RAB11FIP3: variants seen among roughly 807,000 people sequenced by gnomAD.
RAB11FIP3 encodes RAB11 family interacting protein 3.
RAB11FIP3 carries 17 observed loss-of-function variants against 77.8 expected under a neutral mutation model. The ratio of observed to expected loss-of-function variants is 0.22; its 90% CI spans 0.15 to 0.33. The LOEUF (loss-of-function observed/expected upper bound fraction) is 0.33. Ranked by LOEUF, RAB11FIP3 falls within the 10% of genes least tolerant of loss-of-function variation. The probability of loss-of-function intolerance (pLI) is 1.00; values close to 1 mark genes in which losing one functional copy is unlikely to be tolerated. For missense variants in RAB11FIP3, 1,005 were observed against 1,011.2 expected, an observed-to-expected ratio of 0.99 and a Z score of 0.08; for synonymous variants, 437 against 448.2, an observed-to-expected ratio of 0.98 and a Z score of 0.31.
At chr16:474,467 G>C (rs2055864155) in intron 3 of RAB11FIP3, among the ~76,000 whole-genome samples, 1 of 152,156 alleles carries the variant, frequency 6.6e-6, no homozygotes, top group South Asian at 2.1e-4. Context: ...GAAGGGGATG[G>C]ACTGTGGCGC....
chr16:520,694 G>A (rs778200496), intron 13 of RAB11FIP3, 32 bp from the exon 14 acceptor site: 15 of 1,612,374 alleles, frequency 9.3e-6, no homozygotes, highest in Admixed American at 3.3e-5. Flanking sequence ...TGGCCCATGC[G>A]CCTCAGCTCT....
chr16:453,984 T>A (rs1025504590), intron 1 of RAB11FIP3, among the ~76,000 whole-genome samples: 12 of 152,220 alleles, frequency 7.9e-5, no homozygotes, highest in Non-Finnish European at 1.8e-4. Flanking sequence ...TCAGCCTACC[T>A]GTCTTTCTTC....
At chr16:464,213 G>C (rs538712848) in intron 2 of RAB11FIP3, among the ~76,000 whole-genome samples, 47 of 152,290 alleles carry the variant, frequency 3.1e-4, no homozygotes, top group African/African-American at 1.1e-3. Context: ...AGGACAGTCA[G>C]GAGGCCTCAG....
In RAB11FIP3 at chr16:510,650, G is replaced by C. The variant is rs368856198; in HGVS notation, c.1500-10G>C. ...TGGAGACAGCTCAGCTCCTCCCTTTGCCTTTCAAGAGCAAACGCCCTGGAG... is the reference window on the plus strand; with the variant it reads ...TGGAGACAGCTCAGCTCCTCCCTTTCCCTTTCAAGAGCAAACGCCCTGGAG... On this transcript the variant is annotated splice_polypyrimidine_tract_variant and intron_variant, in intron 8 of 13. Transcript: ENST00000262305. The C allele has an allele frequency of 1.9e-6, 3 of 1,593,352 alleles. No homozygotes were observed. Among genetic ancestry groups the C allele is most frequent in the Non-Finnish European group, 2.6e-6 (3 of 1,171,488 alleles).
At chr16:489,266 C>G (rs184810281) in intron 5 of RAB11FIP3, among the ~76,000 whole-genome samples, 1 of 152,218 alleles carries the variant, frequency 6.6e-6, no homozygotes, top group Non-Finnish European at 1.5e-5. Context: ...TGTTTGCACA[C>G]TTGGCTTGCG....
rs890186754 is a variant in RAB11FIP3 at position 461,838 on chromosome 16, G to T, written c.808+341G>T. Reference sequence around the variant, plus strand: ...AGTGGGTGTTCATCACCCGTGCTCTGCAGGCAGCACTTCGTCGCACTCTCT... The same window carrying T: ...AGTGGGTGTTCATCACCCGTGCTCTTCAGGCAGCACTTCGTCGCACTCTCT... On this transcript the variant is annotated intron_variant, in intron 2 of 13. Transcript: ENST00000262305. The surrounding 1 kb of genome is among the most constrained non-coding windows in gnomAD (Gnocchi z 4.5). Among the ~76,000 whole-genome samples the T allele has an allele frequency of 6.6e-6, 1 of 152,172 alleles. No individual in the cohort carries two copies. The highest frequency in any genetic ancestry group is 1.5e-5 in the Non-Finnish European group (1 of 68,038).
At position 461,599 on chromosome 16, in the gene RAB11FIP3, T is replaced by A; in HGVS notation, c.808+102T>A. 1 of 956,758 alleles carries A rather than the reference T, an allele frequency of 1.0e-6. No homozygotes were observed. The highest frequency in any genetic ancestry group is 1.6e-5 in the African/African-American group (1 of 60,990). 59.3% of individuals were successfully genotyped at this position (956,758 alleles called of 1,614,324 possible). ...GGCTCCTCGTGCTGACTCTAACATC[T>A]TTCCTTCTCCTTGAAGCCCCCAACA... is the stretch of plus-strand genomic sequence containing the variant. On this transcript the variant is annotated intron_variant, in intron 2 of 13. Transcript: ENST00000262305. The surrounding 1 kb of genome is among the most constrained non-coding windows in gnomAD (Gnocchi z 4.5).
intron 1 of RAB11FIP3, among the ~76,000 whole-genome samples, chr16:451,213 TAAC>T (rs770749379): frequency 1.3e-5 from 2 of 152,074 alleles, no homozygotes; most frequent in Non-Finnish European, 2.9e-5. Flanking sequence ...ATGAAGCTGT[TAAC>T]AGAAATAGTA....
At chr16:488,736 T>C in intron 4 of RAB11FIP3, 115 bp from the exon 5 acceptor site, 5 of 905,316 alleles carry the variant, frequency 5.5e-6, no homozygotes, top group South Asian at 2.3e-5. Flanking sequence ...TAAACGTGGC[T>C]CCCAGGACTC....
At chr16:434,666 C>T (rs1006447725) in intron 1 of RAB11FIP3, among the ~76,000 whole-genome samples, 1 of 152,076 alleles carries the variant, frequency 6.6e-6, no homozygotes, top group African/African-American at 2.4e-5. Context: ...GATCTTCCCA[C>T]CTTGGCCTCC....
intron 3 of RAB11FIP3, among the ~76,000 whole-genome samples, chr16:473,800 C>T (rs1360637445): frequency 6.6e-6 from 1 of 152,172 alleles, no homozygotes; most frequent in East Asian, 1.9e-4. Flanking sequence ...GTGTGTATTC[C>T]GTGTTTTGAC....
At position 440,612 on chromosome 16, in the gene RAB11FIP3, T is replaced by C. The variant is rs7202465; in HGVS notation, c.714+13892T>C. On this transcript the variant is annotated intron_variant, in intron 1 of 13. Transcript: ENST00000262305. ...AAAGATCCCCTTGCTTTGCTGGCCG[T>C]GTCCTGCCTACTGTTTCTTAGGTCA... Among the ~76,000 whole-genome samples, 504 of 152,368 alleles carry C rather than the reference T, an allele frequency of 3.3e-3. 4 individuals are homozygous for C. The highest frequency in any genetic ancestry group is 0.012 in the African/African-American group (487 of 41,598).
rs145559001 is a variant in RAB11FIP3, at chr16:476,694, T to C, written c.903+5305T>C. Reference sequence around the variant, plus strand: ...TGGGAGGCTGAGGCAGGAGAATTGCTTGAACCCGGGAGGTGGAGTTTGCAG... The same window carrying C: ...TGGGAGGCTGAGGCAGGAGAATTGCCTGAACCCGGGAGGTGGAGTTTGCAG... On this transcript the variant is annotated intron_variant, in intron 3 of 13. Coordinates refer to ENST00000262305, the MANE Select transcript of RAB11FIP3 (RefSeq NM_014700.4). 5.8e-3 allele frequency among the ~76,000 whole-genome samples: 873 copies of C among 151,244 alleles called. 10 individuals are homozygous for C. The highest frequency in any genetic ancestry group is 0.02 in the African/African-American group (831 of 41,194).
At chr16:478,076 C>T (rs1321528420) in intron 3 of RAB11FIP3, among the ~76,000 whole-genome samples, 2 of 152,196 alleles carry the variant, frequency 1.3e-5, no homozygotes, top group South Asian at 2.1e-4. Flanking sequence ...CCCGCAAGTG[C>T]GCCAGGCTCC....
At chr16:477,599 TGTCCTGAGTGGGCCCTGGGCCCTGCCG>T in intron 3 of RAB11FIP3, 1 of 985,236 alleles carries the variant, frequency 1.0e-6, no homozygotes, top group South Asian at 4.7e-5. Context: ...AGGCCAGCCC[TGTCCTGAGTGGGCCCTGGGCCCTGCCG>T]TCCTGCAGGA....
At chr16:465,529 C>G (rs1022209595) in intron 2 of RAB11FIP3, among the ~76,000 whole-genome samples, 1 of 152,120 alleles carries the variant, frequency 6.6e-6, no homozygotes, top group African/African-American at 2.4e-5. Flanking sequence ...CTCATGGGGA[C>G]TGTTTGGCAA....
chr16:515,268 T>TTTG (rs2032346361), intron 9 of RAB11FIP3, among the ~76,000 whole-genome samples: 1 of 152,212 alleles, frequency 6.6e-6, no homozygotes, highest in African/African-American at 2.4e-5. Context: ...ATGCAAGTGT[T>TTTG]ACTTTGAAAG....
intron 2 of RAB11FIP3, among the ~76,000 whole-genome samples, chr16:462,841 C>A (rs1215378509): frequency 6.6e-6 from 1 of 151,250 alleles, no homozygotes; most frequent in Non-Finnish European, 1.5e-5. Flanking sequence ...TTCCCCAGCA[C>A]CATCCCTTCC....
chr16:432,631 G>A (rs2055056917), intron 1 of RAB11FIP3, among the ~76,000 whole-genome samples: 2 of 136,442 alleles, frequency 1.5e-5, no homozygotes, highest in Middle Eastern at 4.2e-3. Context: ...ACAGGGTCTC[G>A]CTCTGTGGCC....
Sources: allele counts gnomAD v4.1 joint callset (sites outside exome capture counted in the v4.1 genomes callset), GRCh38; gene constraint gnomAD v4.1.1; non-coding constraint Gnocchi (gnomAD v3.1); transcripts MANE v1.5; gene names NCBI Gene and HGNC (gene_info 2026-07-23, HGNC 2026-07-21).